Variants in SLC30A8 observed in about 807,000 individuals in gnomAD.
SLC30A8 encodes proton-coupled zinc antiporter SLC30A8.
SLC30A8 carries 27 observed loss-of-function variants against 36.9 expected under a neutral mutation model. The ratio of observed to expected loss-of-function variants is 0.73; its 90% confidence interval spans 0.54 to 1.01. SLC30A8 has a LOEUF of 1.01. SLC30A8 is among the 50% of genes least tolerant of loss of function. The probability of loss-of-function intolerance (pLI) is 0.00; values close to 1 mark genes in which losing one functional copy is unlikely to be tolerated. For synonymous variants in SLC30A8, 164 were observed against 172.4 expected (o/e 0.95, Z 0.38); for missense variants, 439 against 452.0 (o/e 0.97, Z 0.26).
chr8:117,080,322 A>AT (rs759071650), intron 2 of SLC30A8, among the ~76,000 whole-genome samples: 11 of 151,926 alleles, frequency 7.2e-5, no homozygotes, highest in Admixed American at 2.6e-4. Flanking sequence ...TTTTTTAATT[A>AT]TTTTTTCTTT....
chr8:116,982,894 T>C (rs1211372161), intron 1 of SLC30A8, among the ~76,000 whole-genome samples: 2 of 152,162 alleles, frequency 1.3e-5, no homozygotes, highest in Non-Finnish European at 2.9e-5. Flanking sequence ...TGCTTGTGTA[T>C]TTGTGTGTGT....
chr8:117,005,592 A>G (rs1450980758), intron 1 of SLC30A8, among the ~76,000 whole-genome samples: 4 of 152,234 alleles, frequency 2.6e-5, no homozygotes, highest in Non-Finnish European at 4.4e-5. Flanking sequence ...GTGTATACCT[A>G]TGTGGAATTG....
In SLC30A8 at chr8:116,992,196, A is replaced by G. The variant is rs147195092; in HGVS notation, c.-266+41077A>G. 7.3e-3 allele frequency among the ~76,000 whole-genome samples: 1,112 copies of G among 152,308 alleles called. 7 individuals are homozygous for G. Among genetic ancestry groups the G allele is most frequent in the Non-Finnish European group, 0.012 (818 of 68,018 alleles). ...AAGGTGACAAAGCCGAGAAAAATCA[A>G]GAGTCATGTCATCTCTTGATTAGGT... is the stretch of plus-strand genomic sequence containing the variant. On this transcript the variant is annotated intron_variant, in intron 1 of 10. Transcript: ENST00000427715.
chr8:116,978,000 A>G (rs1447790399), intron 1 of SLC30A8, among the ~76,000 whole-genome samples: 1 of 152,062 alleles, frequency 6.6e-6, no homozygotes, highest in African/African-American at 2.4e-5. Flanking sequence ...CCCGAAGAGC[A>G]TGTTAAAGAT....
intron 1 of SLC30A8, among the ~76,000 whole-genome samples, chr8:116,979,203 C>A (rs1333052312): frequency 7.7e-6 from 1 of 129,288 alleles, no homozygotes; most frequent in Admixed American, 9.2e-5. Flanking sequence ...TTTGCCATTG[C>A]ACTCCAGCCT....
chr8:117,029,371 T>G (rs1412050180), intron 1 of SLC30A8, among the ~76,000 whole-genome samples: 2 of 152,208 alleles, frequency 1.3e-5, no homozygotes, highest in Non-Finnish European at 2.9e-5. Context: ...GTGCTTCTAG[T>G]GCATAGATTA....
In SLC30A8 at chr8:117,108,137, A is replaced by G. The variant is rs533462386; in HGVS notation, c.-225-27143A>G. 5.4e-4 allele frequency among the ~76,000 whole-genome samples: 82 copies of G among 152,326 alleles called. 2 individuals are homozygous for G. In the South Asian group the frequency reaches 0.013, roughly 25 times the overall value. ...CCTTGGGACACTACTGGGAGTAATT[A>G]AAACATGTAAGATAATTATCAGCAA... On this transcript the variant is annotated intron_variant, in intron 2 of 10. Transcript: ENST00000427715.
chr8:117,148,274 A>G (rs1821997672), intron 2 of SLC30A8, among the ~76,000 whole-genome samples: 1 of 152,104 alleles, frequency 6.6e-6, no homozygotes, highest in Non-Finnish European at 1.5e-5. Context: ...GATATATTGT[A>G]TGCTCTAAGG....
chr8:117,056,585 G>A (rs1446029098), intron 2 of SLC30A8, among the ~76,000 whole-genome samples: 1 of 152,082 alleles, frequency 6.6e-6, no homozygotes, highest in Admixed American at 6.6e-5. Flanking sequence ...AAGAACTGCA[G>A]TCCCAGGATG....
At chr8:116,985,365 G>A (rs182204394) in intron 1 of SLC30A8, among the ~76,000 whole-genome samples, 72 of 150,410 alleles carry the variant, frequency 4.8e-4, no homozygotes, top group African/African-American at 1.7e-3. Flanking sequence ...AACCCAAAGG[G>A]GACATTAGAT....
chr8:117,140,840 G>T (rs1331332782), intron 1 of SLC30A8, among the ~76,000 whole-genome samples: 1 of 152,066 alleles, frequency 6.6e-6, no homozygotes, highest in Non-Finnish European at 1.5e-5. Context: ...AGGTAATAAT[G>T]TGGGTAATTA....
chr8:117,075,766 C>T (rs569764132), intron 2 of SLC30A8, among the ~76,000 whole-genome samples: 273 of 152,300 alleles, frequency 1.8e-3, no homozygotes, highest in Non-Finnish European at 3.1e-3. Context: ...ATGTTCCAAA[C>T]CCTTCAGTGG....
intron 2 of SLC30A8, among the ~76,000 whole-genome samples, chr8:117,042,837 G>A (rs1299682149): frequency 3.3e-5 from 5 of 152,040 alleles, no homozygotes; most frequent in African/African-American, 7.3e-5. Flanking sequence ...CACCACAACC[G>A]GCTAATTTTT....
At chr8:117,044,712 A>C (rs1817493248) in intron 2 of SLC30A8, among the ~76,000 whole-genome samples, 1 of 152,244 alleles carries the variant, frequency 6.6e-6, no homozygotes, top group Non-Finnish European at 1.5e-5. Flanking sequence ...GCTTGAACAA[A>C]AGGAAACTTA....
chr8:117,170,563 C>CAAAG (rs1349076146), intron 6 of SLC30A8, among the ~76,000 whole-genome samples: 2 of 152,132 alleles, frequency 1.3e-5, no homozygotes, highest in East Asian at 3.9e-4. Context: ...AATTGCTCCT[C>CAAAG]AAAGATCTCT....
intron 4 of SLC30A8, among the ~76,000 whole-genome samples, chr8:117,160,430 TGTGTGC>T (rs1711250731): frequency 6.9e-6 from 1 of 145,164 alleles, no homozygotes; most frequent in Admixed American, 6.7e-5. Flanking sequence ...TGTGTGTGTG[TGTGTGC>T]GCGCACATGT....
intron 1 of SLC30A8, among the ~76,000 whole-genome samples, chr8:116,993,415 G>T (rs546313611): frequency 6.6e-6 from 1 of 152,156 alleles, no homozygotes; most frequent in South Asian, 2.1e-4. Context: ...CTGTCTACTA[G>T]AGGAAGAAAA....
At chr8:117,096,756 A>T (rs1249868974) in intron 2 of SLC30A8, among the ~76,000 whole-genome samples, 1 of 152,190 alleles carries the variant, frequency 6.6e-6, no homozygotes. Flanking sequence ...ACCTGCAAAG[A>T]TGGAGCAAAG....
chr8:117,068,231 A>G (rs1465987077), intron 2 of SLC30A8, among the ~76,000 whole-genome samples: 2 of 152,152 alleles, frequency 1.3e-5, no homozygotes, highest in African/African-American at 2.4e-5. Context: ...CACTCCCTGT[A>G]GTGTTTCCAT....
Sources: gnomAD v4.1 joint callset for allele counts (sites outside exome capture counted in the v4.1 genomes callset) on GRCh38, gnomAD v4.1.1 for gene constraint, MANE v1.5 for transcripts, NCBI Gene and HGNC (gene_info 2026-07-23, HGNC 2026-07-21) for gene names.